The following TBC1D22B variants were observed in gnomAD, a reference collection of about 807,000 sequenced individuals.
The protein encoded by TBC1D22B is TBC1 domain family member 22B.
Under a neutral mutation model 69.1 loss-of-function variants are expected in TBC1D22B, and 32 were observed. The ratio of observed to expected loss-of-function variants is 0.46; its 90% CI spans 0.35 to 0.62. The LOEUF is 0.62. Among genes scored for constraint, TBC1D22B ranks in the 20% least tolerant of loss-of-function variants. The pLI is 0.00. For synonymous variants in TBC1D22B, 206 were observed against 229.8 expected (o/e 0.90, Z 0.94); for missense variants, 462 against 630.9 (o/e 0.73, Z 2.87).
intron 5 of TBC1D22B, 51 bp from the exon 6 acceptor site, chr6:37,284,285 G>A (rs779329435): frequency 2.5e-6 from 4 of 1,613,006 alleles, no homozygotes; most frequent in Non-Finnish European, 3.4e-6. Context: ...AAAAATTAAG[G>A]ATTTATCCAA....
At chr6:37,309,649 C>T (rs1489029001) in intron 8 of TBC1D22B, among the ~76,000 whole-genome samples, 1 of 152,006 alleles carries the variant, frequency 6.6e-6, no homozygotes, top group East Asian at 1.9e-4. Flanking sequence ...CCTTGTGCAC[C>T]GTTGTGAGGC....
chr6:37,332,180 C>T lies in TBC1D22B; in HGVS notation c.*1008C>T, dbSNP rs195410. Reference sequence around the variant, plus strand: ...GGGTGTCCTGCTGTGAGGGGTAGAACGGGAGGCTGCTGAAGTGAGTAGCTG... The same window carrying T: ...GGGTGTCCTGCTGTGAGGGGTAGAATGGGAGGCTGCTGAAGTGAGTAGCTG... On this transcript the variant is annotated 3_prime_UTR_variant, in exon 13 of 13. Transcript: ENST00000373491. 0.14 allele frequency: 22,037 copies of T among 152,406 alleles called. 1,616 individuals are homozygous for T. The highest frequency in any genetic ancestry group is 0.17 in the Admixed American group (2,624 of 15,256). 9.4% of individuals were successfully genotyped at this position (152,406 alleles called of 1,614,324 possible).
At chr6:37,264,165 A>C (rs898372069) in intron 1 of TBC1D22B, among the ~76,000 whole-genome samples, 2 of 152,228 alleles carry the variant, frequency 1.3e-5, no homozygotes, top group Non-Finnish European at 2.9e-5. Flanking sequence ...ATTTATATAA[A>C]GTTTAAAAAA....
chr6:37,262,829 T>C (rs1410703170), intron 1 of TBC1D22B, among the ~76,000 whole-genome samples: 1 of 152,252 alleles, frequency 6.6e-6, no homozygotes, highest in Non-Finnish European at 1.5e-5. Flanking sequence ...TTATCAGTGC[T>C]AAACAAACAC....
chr6:37,316,655 C>T, intron 10 of TBC1D22B, 48 bp from the exon 11 acceptor site: 1 of 1,609,802 alleles, frequency 6.2e-7, no homozygotes, highest in African/African-American at 1.3e-5. Flanking sequence ...GTGGCCCTTT[C>T]AGGGTCCAGT....
At chr6:37,268,849 A>G (rs894307383) in intron 1 of TBC1D22B, among the ~76,000 whole-genome samples, 4 of 152,192 alleles carry the variant, frequency 2.6e-5, no homozygotes, top group African/African-American at 9.6e-5. Context: ...AGATCCATCC[A>G]CATTGTTACT....
chr6:37,293,057 CT>C (rs1767237292), intron 8 of TBC1D22B, among the ~76,000 whole-genome samples: 1 of 151,024 alleles, frequency 6.6e-6, no homozygotes, highest in Non-Finnish European at 1.5e-5. Context: ...GTATTTTTAA[CT>C]TTTCATTATT....
intron 8 of TBC1D22B, among the ~76,000 whole-genome samples, chr6:37,303,440 TCTG>T (rs1347517728): frequency 1.3e-5 from 2 of 152,206 alleles, no homozygotes; most frequent in Non-Finnish European, 2.9e-5. Context: ...TGTTTCTTAA[TCTG>T]CTTCTTCTTC....
At chr6:37,267,407 AAT>A (rs1389396795) in intron 1 of TBC1D22B, among the ~76,000 whole-genome samples, 123 of 139,532 alleles carry the variant, frequency 8.8e-4, no homozygotes, top group African/African-American at 2.4e-3. Context: ...ACACATATAT[AAT>A]ATATATATAC....
intron 2 of TBC1D22B, among the ~76,000 whole-genome samples, chr6:37,275,400 A>G (rs748018254): frequency 6.6e-6 from 1 of 152,030 alleles, no homozygotes; most frequent in African/African-American, 2.4e-5. Context: ...GGGGAGAATT[A>G]TAGCTGTGGT....
At chr6:37,321,893 T>C (rs1230248776) in intron 12 of TBC1D22B, among the ~76,000 whole-genome samples, 1 of 152,152 alleles carries the variant, frequency 6.6e-6, no homozygotes, top group East Asian at 1.9e-4. Context: ...GGTGGTTAAT[T>C]GGGTGTGTAC....
At chr6:37,325,887 A>G (rs1408097334) in intron 12 of TBC1D22B, among the ~76,000 whole-genome samples, 1 of 152,140 alleles carries the variant, frequency 6.6e-6, no homozygotes, top group African/African-American at 2.4e-5. Context: ...GTGGTAGACT[A>G]GGGTCGGGGC....
At position 37,293,518 on chromosome 6, in the gene TBC1D22B, A is replaced by T. The variant is rs1018182427; in HGVS notation, c.982+2161A>T. ...ATTTATAAGTGTTGTGTGTGTTCTG[A>T]TTGCTCCACCAGCTGGTCCTTCCTC... On this transcript the variant is annotated intron_variant, in intron 8 of 12. Transcript: ENST00000373491. Among the ~76,000 whole-genome samples, 7 of 152,166 alleles carry T rather than the reference A, an allele frequency of 4.6e-5. 1 individual carries two copies. The highest frequency in any genetic ancestry group is 1.7e-4 in the African/African-American group (7 of 41,504).
chr6:37,268,273 G>T (rs1377436312), intron 1 of TBC1D22B, among the ~76,000 whole-genome samples: 2 of 151,430 alleles, frequency 1.3e-5, no homozygotes, highest in Non-Finnish European at 2.9e-5. Context: ...TTTCCAACAG[G>T]GTCCAGGCTG....
chr6:37,322,466 G>A (rs1427285756), intron 12 of TBC1D22B, among the ~76,000 whole-genome samples: 1 of 152,132 alleles, frequency 6.6e-6, no homozygotes, highest in East Asian at 1.9e-4. Context: ...GCAGTGAGCC[G>A]AGATCGTGCC....
chr6:37,323,719 G>T (rs1481714741), intron 12 of TBC1D22B, among the ~76,000 whole-genome samples: 1 of 152,252 alleles, frequency 6.6e-6, no homozygotes, highest in African/African-American at 2.4e-5. Context: ...GAACACAGGG[G>T]TGCGATTGTG....
rs764946867 is a variant in TBC1D22B at position 37,291,320 on chromosome 6, C to T, written c.945C>T (p.Val315=). 6.2e-7 allele frequency: 1 copy of T among 1,613,478 alleles called. No homozygotes were observed. Among genetic ancestry groups the T allele is most frequent in the South Asian group, 1.1e-5 (1 of 90,882 alleles). The stretch of plus-strand genomic sequence containing the variant: ...ATGTCCAGGGAATTAATGACCTGGT[C>T]ACTCCATTCTTTGTCGTCTTCCTCT... ...SGYVQGINDL[V]TPFFVVFLSE... is the part of the protein sequence containing the mutation. The change falls in exon 8 of 13, where the codon GTC becomes GTT. Residue 315 remains valine, a synonymous_variant. Coordinates refer to ENST00000373491, the MANE Select transcript of TBC1D22B (RefSeq NM_017772.4).
chr6:37,280,935 GT>G (rs754141917), intron 3 of TBC1D22B, among the ~76,000 whole-genome samples: 1 of 152,048 alleles, frequency 6.6e-6, no homozygotes, highest in African/African-American at 2.4e-5. Flanking sequence ...CAGCTTTGCA[GT>G]GTGTGTCTGC....
chr6:37,323,133 A>G (rs1768298111), intron 12 of TBC1D22B, among the ~76,000 whole-genome samples: 1 of 152,222 alleles, frequency 6.6e-6, no homozygotes, highest in Non-Finnish European at 1.5e-5. Flanking sequence ...GAGCCCAGGA[A>G]GATGTCAGCA....
Sources: gnomAD v4.1 joint callset for allele counts (sites outside exome capture counted in the v4.1 genomes callset) on GRCh38, gnomAD v4.1.1 for gene constraint, MANE v1.5 for transcripts, NCBI Gene and HGNC (gene_info 2026-07-23, HGNC 2026-07-21) for gene names.